SLC18B1: variants seen among roughly 807,000 people sequenced by gnomAD.
The protein encoded by SLC18B1 is MFS-type transporter SLC18B1.
A neutral mutation model predicts 53.9 loss-of-function variants in SLC18B1; 62 were observed. The ratio of observed to expected loss-of-function variants is 1.15; its 90% CI spans 0.94 to 1.42. The LOEUF is 1.42. Among genes scored for constraint, SLC18B1 ranks in the 40% most tolerant of loss-of-function variants. The pLI is 0.00. For synonymous variants in SLC18B1, 217 were observed against 200.9 expected (o/e 1.08, Z -0.68); for missense variants, 598 against 547.3 (o/e 1.09, Z -0.93).
rs563253204 is a variant in SLC18B1, at chr6:132,785,913, A to G, written c.501+1521T>C. ...CTGTCTCTACAAAAAAAAAAAAAAA[A>G]AAAGAAAGAAAAAAAGAAAAAAGAA... On this transcript the variant is annotated intron_variant, in intron 5 of 13. Transcript: ENST00000275227. Among the ~76,000 whole-genome samples, 157 of 151,034 alleles carry G rather than the reference A, an allele frequency of 1.0e-3. 1 individual carries two copies. The highest frequency in any genetic ancestry group is 3.1e-3 in the South Asian group (15 of 4,794).
In SLC18B1 at chr6:132,797,046, G is replaced by GCC. The variant is rs1781711276; in HGVS notation, c.117_118dup (p.Ala40GlyfsTer5). On this transcript the variant is annotated frameshift_variant, in exon 2 of 14. Transcript: ENST00000275227. LOFTEE classifies it high-confidence loss of function. ...CATGGAACCTAAGTTCACCGAAGCT[G>GCC]CCGATATCAGTACAAAAACCTGTTC... The GCC allele has an allele frequency of 6.2e-7, 1 of 1,614,156 alleles. No individual in the cohort carries two copies. The highest frequency in any genetic ancestry group is 8.5e-7 in the Non-Finnish European group (1 of 1,180,018).
rs1279951309 is a variant in SLC18B1 at position 132,792,333 on chromosome 6, AAGGAAGGAAGGAAGGAAGGAAGGG to A, written c.184-2085_184-2062del. On this transcript the variant is annotated intron_variant, in intron 2 of 13. Coordinates refer to ENST00000275227, the MANE Select transcript of SLC18B1 (RefSeq NM_052831.3). ...GAAGGAAGGAAGGAAGGAAGGAAGG[AAGGAAGGAAGGAAGGAAGGAAGGG>A]AAAGAAAGAAAAGAAGGAAAGAAAG... 2.8e-4 allele frequency among the ~76,000 whole-genome samples: 36 copies of A among 127,396 alleles called. No homozygotes were observed. The Middle Eastern group carries it at 0.012, about 42-fold the overall frequency. The allele number at this position is 127,396 out of a possible 152,430, so 83.6% of individuals were successfully genotyped here.
intron 2 of SLC18B1, among the ~76,000 whole-genome samples, chr6:132,790,661 GAAAC>G (rs1781499127): frequency 6.6e-6 from 1 of 152,120 alleles, no homozygotes; most frequent in African/African-American, 2.4e-5. Context: ...ACATTTATAG[GAAAC>G]AAACAAAAAA....
intron 6 of SLC18B1, among the ~76,000 whole-genome samples, chr6:132,783,256 A>C (rs1441984990): frequency 6.6e-6 from 1 of 152,010 alleles, no homozygotes; most frequent in African/African-American, 2.4e-5. Flanking sequence ...AGCTCACTGC[A>C]ACCTCCACCT....
At chr6:132,779,551 A>G in intron 6 of SLC18B1, 147 bp from the exon 7 acceptor site, 1 of 779,102 alleles carries the variant, frequency 1.3e-6, no homozygotes, top group Non-Finnish European at 2.0e-6. Flanking sequence ...TATACCATCT[A>G]TACTTGCATA....
In SLC18B1 at chr6:132,779,182, G is replaced by T. The variant is rs888650737; in HGVS notation, c.795+86C>A. The stretch of plus-strand genomic sequence containing the variant: ...CTACCTTCTTCTCCCAGCCACGCAA[G>T]GGTCTTTCCACAGAGCAGGGCCCAA... On this transcript the variant is annotated intron_variant, in intron 7 of 13. Transcript: ENST00000275227. 16 of 1,494,906 alleles carry T rather than the reference G, an allele frequency of 1.1e-5. No homozygotes were observed. The African/African-American group carries it at 1.8e-4, about 17-fold the overall frequency. 92.6% of individuals were successfully genotyped at this position (1,494,906 alleles called of 1,614,324 possible). A position where few individuals can be genotyped will look rare whatever the true frequency, so the allele number is the denominator to read the frequency against.
chr6:132,773,399 T>C (rs988070105), intron 9 of SLC18B1, among the ~76,000 whole-genome samples: 4 of 152,120 alleles, frequency 2.6e-5, no homozygotes, highest in Non-Finnish European at 5.9e-5. Flanking sequence ...CCCTTCAAAA[T>C]TGGTGAAAAC....
rs540961657 is a variant in SLC18B1, at chr6:132,774,497, T to C, written c.898-184A>G. ...GATAAACTCGCAAGCAATGACGATA[T>C]ATAACAAGGCAGAAAGTGAACAAAG... On this transcript the variant is annotated intron_variant, in intron 8 of 13. Coordinates refer to ENST00000275227, the MANE Select transcript of SLC18B1 (RefSeq NM_052831.3). 6.6e-5 allele frequency among the ~76,000 whole-genome samples: 10 copies of C among 152,292 alleles called. No homozygotes were observed. The South Asian group carries it at 2.1e-3, about 32-fold the overall frequency.
chr6:132,790,701 A>G (rs1457482642), intron 2 of SLC18B1, among the ~76,000 whole-genome samples: 1 of 152,196 alleles, frequency 6.6e-6, no homozygotes, highest in Non-Finnish European at 1.5e-5. Flanking sequence ...AAACTCAAGA[A>G]TAGGAAGTTC....
chr6:132,772,917 T>C (rs1394728384), intron 10 of SLC18B1, 76 bp downstream of exon 10: 45 of 1,059,386 alleles, frequency 4.2e-5, no homozygotes, highest in Non-Finnish European at 6.3e-5. Context: ...TGCTGCAAAA[T>C]TGAGAAATTC....
At chr6:132,785,598 C>T (rs1014840402) in intron 5 of SLC18B1, among the ~76,000 whole-genome samples, 6 of 152,130 alleles carry the variant, frequency 3.9e-5, no homozygotes, top group African/African-American at 1.2e-4. Context: ...AGTGTGTTAG[C>T]TGTTGGCTGC....
Position 132,794,028 on chromosome 6 carries a change from A to G in SLC18B1, c.183+2954T>C, listed in dbSNP as rs186950748. On this transcript the variant is annotated intron_variant, in intron 2 of 13. Coordinates refer to ENST00000275227, the MANE Select transcript of SLC18B1 (RefSeq NM_052831.3). Reference sequence around the variant, plus strand: ...CACTGAGTTCCAGCTGAGCTAGGAAATGCCCTTCTCACTGGTTGATTCACT... The same window carrying G: ...CACTGAGTTCCAGCTGAGCTAGGAAGTGCCCTTCTCACTGGTTGATTCACT... Among the ~76,000 whole-genome samples, 23 of 152,182 alleles carry G rather than the reference A, an allele frequency of 1.5e-4. 1 individual carries two copies. Among genetic ancestry groups the G allele is most frequent in the African/African-American group, 5.5e-4 (23 of 41,494 alleles).
intron 8 of SLC18B1, 130 bp from the exon 9 acceptor site, chr6:132,774,443 A>C (rs1781051878): frequency 3.2e-6 from 2 of 625,516 alleles, no homozygotes; most frequent in Admixed American, 3.1e-5. Context: ...AGAAAACAAA[A>C]CTTTACATTT....
chr6:132,786,058 G>A (rs1319502686), intron 5 of SLC18B1, among the ~76,000 whole-genome samples: 1 of 152,114 alleles, frequency 6.6e-6, no homozygotes, highest in Non-Finnish European at 1.5e-5. Context: ...CTCTAAGTTA[G>A]AGGACAGCAG....
chr6:132,792,292 G>GATAGA (rs1781559253), intron 2 of SLC18B1, among the ~76,000 whole-genome samples: 1 of 31,594 alleles, frequency 3.2e-5, no homozygotes, highest in Non-Finnish European at 5.6e-5. Flanking sequence ...AGGAAGAAAG[G>GATAGA]AAGGAAGGAA....
chr6:132,785,470 CT>C (rs1364808519), intron 5 of SLC18B1, among the ~76,000 whole-genome samples: 1 of 152,186 alleles, frequency 6.6e-6, no homozygotes, highest in Non-Finnish European at 1.5e-5. Context: ...GGCTTGCAGC[CT>C]TATATCCTTA....
chr6:132,786,141 G>T (rs1196017987), intron 5 of SLC18B1, among the ~76,000 whole-genome samples: 1 of 152,114 alleles, frequency 6.6e-6, no homozygotes, highest in East Asian at 1.9e-4. Flanking sequence ...GTGTTCTTCT[G>T]AGCCCTTTCT....
intron 7 of SLC18B1, 142 bp from the exon 8 acceptor site, chr6:132,776,571 CT>C: frequency 1.6e-6 from 1 of 620,000 alleles, no homozygotes; most frequent in Non-Finnish European, 2.7e-6. Flanking sequence ...TTCATCTTAC[CT>C]TTGAAAATGC....
intron 2 of SLC18B1, among the ~76,000 whole-genome samples, chr6:132,792,585 CAATTA>C (rs374859367): frequency 3.1e-4 from 47 of 152,138 alleles, no homozygotes; most frequent in Non-Finnish European, 5.9e-4. Flanking sequence ...TATCTAACAA[CAATTA>C]AATTAAATAA....
Sources: gnomAD v4.1 joint callset for allele counts (sites outside exome capture counted in the v4.1 genomes callset) on GRCh38, gnomAD v4.1.1 for gene constraint, MANE v1.5 for transcripts, NCBI Gene and HGNC (gene_info 2026-07-23, HGNC 2026-07-21) for gene names.